Variants in SLC25A26 observed in about 807,000 individuals in gnomAD.
SLC25A26 encodes solute carrier family 25 member 26.
In SLC25A26, 36 loss-of-function variants were observed where a neutral mutation model predicts 37.8. That is an observed-to-expected ratio of 0.95 (90% CI 0.73 to 1.26). The LOEUF is 1.26. SLC25A26 is among the 50% of genes most tolerant of loss of function. The probability of loss-of-function intolerance (pLI) is 0.00; values close to 1 mark genes in which losing one functional copy is unlikely to be tolerated. For missense variants in SLC25A26, 390 were observed against 331.1 expected, an observed-to-expected ratio of 1.18 and a Z score of -1.38; for synonymous variants, 129 against 122.5, an observed-to-expected ratio of 1.05 and a Z score of -0.35.
chr3:66,258,994 A>T (rs189949262), intron 3 of SLC25A26, among the ~76,000 whole-genome samples: 1 of 152,168 alleles, frequency 6.6e-6, no homozygotes, highest in Non-Finnish European at 1.5e-5. Context: ...AGTGGCCTGC[A>T]TATTTGCCAG....
At chr3:66,324,177 A>AGTGTGTGTGTGTGTGTGTGTGT (rs58406249) in intron 5 of SLC25A26, 7 of 129,966 alleles carry the variant, frequency 5.4e-5, no homozygotes, top group Non-Finnish European at 1.1e-4. Context: ...TTTGTTAAAA[A>AGTGTGTGTGTGTGTGTGTGTGT]GTGTGTGTGT....
chr3:66,334,187 C>A (rs2076042553), intron 5 of SLC25A26, among the ~76,000 whole-genome samples: 2 of 152,178 alleles, frequency 1.3e-5, no homozygotes, highest in African/African-American at 4.8e-5. Flanking sequence ...GATGATACTT[C>A]CCTGTCTGTT....
intron 6 of SLC25A26, among the ~76,000 whole-genome samples, chr3:66,350,447 G>A (rs1178376316): frequency 2.0e-5 from 3 of 152,106 alleles, no homozygotes; most frequent in African/African-American, 7.2e-5. Flanking sequence ...TGACTTCACT[G>A]TTGGGAATTT....
intron 5 of SLC25A26, chr3:66,304,386 C>G (rs2075158788): frequency 2.2e-6 from 1 of 454,788 alleles, no homozygotes; most frequent in African/African-American, 2.0e-5. Context: ...AATATCTTCC[C>G]TTTTCTGTTC....
chr3:66,149,799 C>A (rs774980969), intron 1 of SLC25A26, among the ~76,000 whole-genome samples: 22 of 152,154 alleles, frequency 1.4e-4, no homozygotes, highest in Non-Finnish European at 7.3e-5. Context: ...ACCAGGATAA[C>A]AGGCACAGTC....
intron 3 of SLC25A26, among the ~76,000 whole-genome samples, chr3:66,248,042 T>G (rs1332150587): frequency 6.6e-6 from 1 of 152,216 alleles, no homozygotes; most frequent in Non-Finnish European, 1.5e-5. Flanking sequence ...TTTGATAGAT[T>G]ATTATGTTAG....
chr3:66,275,366 A>G (rs1286150299), intron 5 of SLC25A26, among the ~76,000 whole-genome samples: 3 of 151,930 alleles, frequency 2.0e-5, no homozygotes, highest in African/African-American at 4.8e-5. Flanking sequence ...TAACCTGCAC[A>G]TTGTGCACAT....
At chr3:66,222,976 G>A (rs2071571296) in intron 1 of SLC25A26, among the ~76,000 whole-genome samples, 1 of 152,282 alleles carries the variant, frequency 6.6e-6, no homozygotes, top group South Asian at 2.1e-4. Flanking sequence ...TTCATTCCAG[G>A]TAAAGGAAAA....
chr3:66,312,018 C>T (rs773998544), intron 5 of SLC25A26, among the ~76,000 whole-genome samples: 5 of 151,940 alleles, frequency 3.3e-5, no homozygotes, highest in Non-Finnish European at 5.9e-5. Flanking sequence ...AGCTCAAGTG[C>T]TGTGCTGCGA....
intron 1 of SLC25A26, among the ~76,000 whole-genome samples, chr3:66,201,439 T>C (rs1189597839): frequency 6.6e-6 from 1 of 152,028 alleles, no homozygotes; most frequent in Non-Finnish European, 1.5e-5. Flanking sequence ...GCTCAGGTGA[T>C]CCTACCACCT....
intron 1 of SLC25A26, among the ~76,000 whole-genome samples, chr3:66,150,716 G>A (rs1476187245): frequency 7.3e-6 from 1 of 137,512 alleles, no homozygotes; most frequent in African/African-American, 2.7e-5. Context: ...GAAGCTATGA[G>A]ATAATAGTAA....
intron 3 of SLC25A26, among the ~76,000 whole-genome samples, chr3:66,246,373 A>C (rs2072841477): frequency 6.6e-6 from 1 of 152,202 alleles, no homozygotes; most frequent in African/African-American, 2.4e-5. Context: ...CAGTCCAAAA[A>C]AATAGAAAGT....
intron 1 of SLC25A26, among the ~76,000 whole-genome samples, chr3:66,180,244 C>T (rs2070674532): frequency 6.6e-6 from 1 of 152,228 alleles, no homozygotes; most frequent in Non-Finnish European, 1.5e-5. Flanking sequence ...TTATTTTCCT[C>T]TGAGGCTTTT....
At chr3:66,144,088 G>T (rs956776439) in intron 1 of SLC25A26, among the ~76,000 whole-genome samples, 2 of 152,072 alleles carry the variant, frequency 1.3e-5, no homozygotes, top group Non-Finnish European at 2.9e-5. Context: ...AAATATAAGT[G>T]GGTGAGCTAC....
chr3:66,294,741 A>G (rs2074838402), intron 5 of SLC25A26, among the ~76,000 whole-genome samples: 1 of 152,188 alleles, frequency 6.6e-6, no homozygotes, highest in Non-Finnish European at 1.5e-5. Context: ...GTAATTAGCT[A>G]GTTAACACTC....
At chr3:66,251,662 G>C (rs1343605142) in intron 3 of SLC25A26, among the ~76,000 whole-genome samples, 2 of 152,146 alleles carry the variant, frequency 1.3e-5, no homozygotes, top group Non-Finnish European at 2.9e-5. Flanking sequence ...CTTGCTTGTA[G>C]TTATTCATCT....
rs1304444093 is a variant in SLC25A26 at position 66,263,362 on chromosome 3, A to T, written c.436A>T (p.Ser146Cys). 7 of 1,611,704 alleles carry T rather than the reference A, an allele frequency of 4.3e-6. No homozygotes were observed. ...GIQGLYRGYK[S>C]TVLREIPFSL... ...CCAAGGGTTGTATCGAGGCTATAAA[A>T]GCACAGTTTTAAGAGAGGTAAGTCA... Residue 146 changes from serine (S) to cysteine (C), a missense_variant, in exon 5 of 10, where the codon AGC becomes TGC. Physicochemically the swap from Ser to Cys is moderately radical, Grantham distance 112. Transcript: ENST00000354883.
intron 2 of SLC25A26, among the ~76,000 whole-genome samples, chr3:66,241,768 G>C (rs1239556173): frequency 6.6e-6 from 1 of 152,178 alleles, no homozygotes; most frequent in East Asian, 1.9e-4. Flanking sequence ...ATCATCAGTG[G>C]ATGTGGATGT....
At chr3:66,289,021 A>C (rs957282794) in intron 5 of SLC25A26, among the ~76,000 whole-genome samples, 1 of 152,104 alleles carries the variant, frequency 6.6e-6, no homozygotes, top group African/African-American at 2.4e-5. Flanking sequence ...TTGTCATTCT[A>C]TCTGGCATGA....
Sources: allele counts gnomAD v4.1 joint callset (sites outside exome capture counted in the v4.1 genomes callset), GRCh38; gene constraint gnomAD v4.1.1; transcripts MANE v1.5; gene names NCBI Gene and HGNC (gene_info 2026-07-23, HGNC 2026-07-21).